Variants in SBF2 observed in about 807,000 individuals in gnomAD.
The protein encoded by SBF2 is myotubularin-related protein 13.
SBF2 carries 112 observed loss-of-function variants against 225.2 expected under a neutral mutation model. That is an observed-to-expected ratio of 0.50 (90% CI 0.43 to 0.58). The LOEUF (loss-of-function observed/expected upper bound fraction) is 0.58, where lower values mean the gene tolerates loss of function less well. SBF2 is among the 20% of genes least tolerant of loss of function. The pLI, the probability that SBF2 is intolerant of heterozygous loss-of-function variation, is 0.00. For missense variants in SBF2, 1,996 were observed against 2,206.2 expected, an observed-to-expected ratio of 0.90 and a Z score of 1.91; for synonymous variants, 763 against 773.3, an observed-to-expected ratio of 0.99 and a Z score of 0.22.
chr11:9,824,458 G>A lies in SBF2; in HGVS notation c.3793+4898C>T, dbSNP rs566538195. On this transcript the variant is annotated intron_variant, in intron 28 of 39. Coordinates refer to ENST00000256190, the MANE Select transcript of SBF2 (RefSeq NM_030962.4). ...TGTAATCCCAGCTACTCGGGAGGCT[G>A]AGGCAGGAGAATTGCTTGAACCAGG... 4.6e-5 allele frequency among the ~76,000 whole-genome samples: 7 copies of A among 151,798 alleles called. No individual in the cohort carries two copies. In the East Asian group the frequency reaches 1.4e-3, roughly 29 times the overall value.
At chr11:9,927,275 T>C (rs1864128175) in intron 16 of SBF2, among the ~76,000 whole-genome samples, 1 of 152,198 alleles carries the variant, frequency 6.6e-6, no homozygotes, top group Admixed American at 6.5e-5. Flanking sequence ...GATCTAGGCC[T>C]GGATATCTTT....
intron 2 of SBF2, among the ~76,000 whole-genome samples, chr11:10,159,203 T>C (rs561160017): frequency 6.6e-6 from 1 of 152,312 alleles, no homozygotes; most frequent in African/African-American, 2.4e-5. Context: ...TTCCTTGGCG[T>C]AGGCTGAACT....
intron 1 of SBF2, among the ~76,000 whole-genome samples, chr11:10,231,566 A>C (rs2135435360): frequency 6.6e-6 from 1 of 152,310 alleles, no homozygotes; most frequent in Middle Eastern, 3.4e-3. Flanking sequence ...AGTTTGCTGG[A>C]GGTCCACTCC....
intron 2 of SBF2, among the ~76,000 whole-genome samples, chr11:10,063,858 C>CACACACACAGAGAGAGAG (rs373423157): frequency 1.5e-5 from 2 of 136,172 alleles, no homozygotes; most frequent in Non-Finnish European, 3.1e-5. Context: ...CACACACACA[C>CACACACACAGAGAGAGAG]AGAGAGAGAG....
intron 2 of SBF2, 113 bp from the exon 3 acceptor site, chr11:10,043,094 A>G (rs374612461): frequency 9.6e-7 from 1 of 1,046,442 alleles, no homozygotes; most frequent in Non-Finnish European, 1.4e-6. Flanking sequence ...CTGATGTGGT[A>G]TGAGTCTAAA....
At chr11:9,990,757 T>C (rs966899125) in intron 12 of SBF2, among the ~76,000 whole-genome samples, 123 of 152,062 alleles carry the variant, frequency 8.1e-4, no homozygotes, top group African/African-American at 2.8e-3. Context: ...AATAAATAAA[T>C]AAAAAATAAG....
At chr11:9,841,329 T>C (rs1257591510) in intron 25 of SBF2, among the ~76,000 whole-genome samples, 1 of 152,126 alleles carries the variant, frequency 6.6e-6, no homozygotes, top group East Asian at 1.9e-4. Flanking sequence ...ATAAAAAAAA[T>C]TGAGTTAGAA....
intron 33 of SBF2, among the ~76,000 whole-genome samples, chr11:9,794,707 A>AAAAAAAAAAAAC (rs61190267): frequency 1.4e-5 from 2 of 147,782 alleles, no homozygotes; most frequent in Non-Finnish European, 3.0e-5. Context: ...AAAAAAAAAA[A>AAAAAAAAAAAAC]GACCAGGCCT....
At chr11:9,824,570 A>G (rs985791020) in intron 28 of SBF2, among the ~76,000 whole-genome samples, 3 of 151,982 alleles carry the variant, frequency 2.0e-5, no homozygotes, top group African/African-American at 4.8e-5. Flanking sequence ...TCAAAAAAAA[A>G]AAAAAAAGAA....
Position 9,829,397 on chromosome 11 carries a change from T to C in SBF2, c.3752A>G (p.Asn1251Ser). 1 of 1,614,164 alleles carries C rather than the reference T, an allele frequency of 6.2e-7. No homozygotes were observed. The highest frequency in any genetic ancestry group is 8.5e-7 in the Non-Finnish European group (1 of 1,179,980). The change falls in exon 28 of 40, where the codon AAC becomes AGC. Residue 1251 changes from asparagine to serine, a missense_variant. By Grantham distance (46) the Asn-to-Ser change is conservative. Transcript: ENST00000256190. Reference protein sequence around the residue: ...AVSVHQKLRGNSTLTVRPAFA... With the variant: ...AVSVHQKLRGSSTLTVRPAFA... ...GGCTGGCCTGACAGTAAGAGTGCTG[T>C]TGCCTCTGAGTTTCTGATGGACAGA...
At chr11:9,819,907 G>A (rs1032274764) in intron 28 of SBF2, among the ~76,000 whole-genome samples, 1 of 152,010 alleles carries the variant, frequency 6.6e-6, no homozygotes, top group Non-Finnish European at 1.5e-5. Flanking sequence ...AATTAGTTAC[G>A]AGCAGCAAAA....
chr11:10,246,892 T>C (rs1048424753), intron 1 of SBF2, among the ~76,000 whole-genome samples: 1 of 152,096 alleles, frequency 6.6e-6, no homozygotes, highest in African/African-American at 2.4e-5. Flanking sequence ...CTGGGCACCA[T>C]AGTGAGACCT....
chr11:10,278,235 T>A (rs993527176), intron 1 of SBF2, among the ~76,000 whole-genome samples: 1 of 152,232 alleles, frequency 6.6e-6, no homozygotes, highest in Non-Finnish European at 1.5e-5. Flanking sequence ...CCTACAGCTA[T>A]AACTAAAAAC....
chr11:9,898,430 G>A (rs1324089436), intron 16 of SBF2, among the ~76,000 whole-genome samples: 1 of 152,204 alleles, frequency 6.6e-6, no homozygotes, highest in Non-Finnish European at 1.5e-5. Context: ...CAGCACTTTA[G>A]GAGGCAGAGG....
intron 12 of SBF2, among the ~76,000 whole-genome samples, chr11:9,991,584 A>T (rs1947441425): frequency 6.6e-6 from 1 of 152,162 alleles, no homozygotes; most frequent in African/African-American, 2.4e-5. Flanking sequence ...ACTCTTTCAA[A>T]AATTGAAATG....
At chr11:10,278,450 T>G (rs1963135746) in intron 1 of SBF2, among the ~76,000 whole-genome samples, 1 of 152,226 alleles carries the variant, frequency 6.6e-6, no homozygotes, top group Non-Finnish European at 1.5e-5. Flanking sequence ...TTATAATATT[T>G]AATGATCTCA....
At chr11:9,928,553 G>A (rs575234746) in intron 16 of SBF2, among the ~76,000 whole-genome samples, 3 of 152,160 alleles carry the variant, frequency 2.0e-5, no homozygotes, top group Non-Finnish European at 4.4e-5. Context: ...TTCTTAAAAA[G>A]TTAAAAGTAC....
intron 2 of SBF2, among the ~76,000 whole-genome samples, chr11:10,085,054 T>G (rs1951511332): frequency 6.6e-6 from 1 of 152,126 alleles, no homozygotes; most frequent in Non-Finnish European, 1.5e-5. Flanking sequence ...TATAATAAAA[T>G]CGCACATGCA....
intron 25 of SBF2, among the ~76,000 whole-genome samples, 155 bp from the exon 26 acceptor site, chr11:9,839,851 G>A (rs927653800): frequency 1.3e-5 from 2 of 152,082 alleles, no homozygotes; most frequent in African/African-American, 4.8e-5. Flanking sequence ...GAGGCCTTCA[G>A]GGTAGTACCT....
Sources: gnomAD v4.1 joint callset for allele counts (sites outside exome capture counted in the v4.1 genomes callset) on GRCh38, gnomAD v4.1.1 for gene constraint, MANE v1.5 for transcripts, NCBI Gene and HGNC (gene_info 2026-07-23, HGNC 2026-07-21) for gene names.